SARAF: variants seen among roughly 807,000 people sequenced by gnomAD.
SARAF encodes store-operated calcium entry-associated regulatory factor.
SARAF carries 23 observed loss-of-function variants against 39.7 expected under a neutral mutation model. That is an observed-to-expected ratio of 0.58 (90% confidence interval 0.42 to 0.82). The LOEUF (loss-of-function observed/expected upper bound fraction) is 0.82. Among genes scored for constraint, SARAF ranks in the 40% least tolerant of loss-of-function variants. SARAF has a pLI of 0.00. For synonymous variants in SARAF, 175 were observed against 168.5 expected (o/e 1.04, Z -0.30); for missense variants, 384 against 418.5 (o/e 0.92, Z 0.72).
At chr8:30,068,967 T>G (rs958306495) in intron 3 of SARAF, among the ~76,000 whole-genome samples, 4 of 152,020 alleles carry the variant, frequency 2.6e-5, no homozygotes, top group Admixed American at 2.6e-4. Context: ...ACAAATATTC[T>G]CCTATGTTTT....
chr8:30,064,655 C>T (rs912773074), intron 5 of SARAF, among the ~76,000 whole-genome samples: 3 of 147,834 alleles, frequency 2.0e-5, no homozygotes, highest in East Asian at 2.0e-4. Flanking sequence ...TTCTGCCTCC[C>T]GCGTTCAAGC....
At chr8:30,074,481 T>G (rs1343041394) in intron 1 of SARAF, among the ~76,000 whole-genome samples, 1 of 152,252 alleles carries the variant, frequency 6.6e-6, no homozygotes, top group Admixed American at 6.5e-5. Context: ...TACAGTGGAA[T>G]ATTACATAGC....
At position 30,083,026 on chromosome 8, in the gene SARAF, C is replaced by T. The variant is rs11538829; in HGVS notation, c.-77G>A. ...GGGTGCGGTAGCGCGCGCGACGCTG[C>T]GCAGCTACACCGCTACCCCTGGCGG... On this transcript the variant is annotated 5_prime_UTR_variant, in exon 1 of 6. Transcript: ENST00000256255. 2 of 1,097,366 alleles carry T rather than the reference C, an allele frequency of 1.8e-6. No individual in the cohort carries two copies. The highest frequency in any genetic ancestry group is 2.6e-6 in the Non-Finnish European group (2 of 778,334). The allele number at this position is 1,097,366 out of a possible 1,614,324, so 68.0% of individuals were successfully genotyped here.
intron 2 of SARAF, among the ~76,000 whole-genome samples, chr8:30,072,831 G>A (rs1012846612): frequency 3.9e-5 from 6 of 152,140 alleles, no homozygotes; most frequent in African/African-American, 1.2e-4. Context: ...CCAACCAGAC[G>A]TGACTTTATA....
At position 30,079,136 on chromosome 8, in the gene SARAF, C is replaced by G. The variant is rs912829538; in HGVS notation, c.103+3711G>C. On this transcript the variant is annotated intron_variant, in intron 1 of 5. Coordinates refer to ENST00000256255, the MANE Select transcript of SARAF (RefSeq NM_016127.6). ...TGCTACCACTGCACTCCAGCCTGGG[C>G]GACAAGAGTGAAACTCCATCTCAAA... is the stretch of plus-strand genomic sequence containing the variant. Among the ~76,000 whole-genome samples, 31 of 123,836 alleles carry G rather than the reference C, an allele frequency of 2.5e-4. 2 individuals carry two copies. The South Asian group carries it at 6.7e-3, about 27-fold the overall frequency. The allele number at this position is 123,836 out of a possible 152,430, so 81.2% of individuals were successfully genotyped here.
intron 1 of SARAF, among the ~76,000 whole-genome samples, chr8:30,080,401 C>T (rs1802070548): frequency 6.6e-6 from 1 of 152,214 alleles, no homozygotes; most frequent in African/African-American, 2.4e-5. Context: ...AGTCAAATGT[C>T]ACCCTAACAG....
chr8:30,081,100 T>C (rs986113813), intron 1 of SARAF, among the ~76,000 whole-genome samples: 8 of 152,086 alleles, frequency 5.3e-5, no homozygotes, highest in Admixed American at 2.6e-4. Context: ...GATCGCGCCA[T>C]TGCACTCTAG....
chr8:30,081,870 A>G (rs907385201), intron 1 of SARAF, among the ~76,000 whole-genome samples: 6 of 152,146 alleles, frequency 3.9e-5, no homozygotes, highest in Admixed American at 2.6e-4. Context: ...AAAATTCTTT[A>G]GACAATTTTA....
chr8:30,066,763 T>C lies in SARAF; in HGVS notation c.842+14A>G. 1 of 1,547,588 alleles carries C rather than the reference T, an allele frequency of 6.5e-7. No individual in the cohort carries two copies. Reference sequence around the variant, plus strand: ...TGAATTAAAGAGCAAGTGAGATCAATGCAAAAAGCTTACCTATTGCTGCCA... The same window carrying C: ...TGAATTAAAGAGCAAGTGAGATCAACGCAAAAAGCTTACCTATTGCTGCCA... On this transcript the variant is annotated intron_variant, in intron 4 of 5. Transcript: ENST00000256255.
chr8:30,081,939 T>TA (rs35616448), intron 1 of SARAF, among the ~76,000 whole-genome samples: 24,853 of 151,684 alleles, frequency 0.16, 2,222 homozygotes, highest in East Asian at 0.33. Flanking sequence ...GTACCATCAC[T>TA]AAAAAAAACC....
rs1264818788 is a variant in SARAF at position 30,069,927 on chromosome 8, T to G, written c.415A>C (p.Thr139Pro). ...SCGLEYNLDY[T>P]ELGLQKLKES... is the part of the protein sequence containing the mutation. ...TTCAGTTTCTGCAGGCCAAGTTCTG[T>G]ATAATCTAAATTATACTCCAAGCCA... Residue 139 changes from threonine (T) to proline (P), a missense_variant, in exon 3 of 6, where the codon ACA becomes CCA. By Grantham distance (38) the Thr-to-Pro change is conservative. Transcript: ENST00000256255. The G allele has an allele frequency of 1.2e-6, 2 of 1,614,048 alleles. No individual in the cohort carries two copies. The highest frequency in any genetic ancestry group is 1.7e-6 in the Non-Finnish European group (2 of 1,180,038).
chr8:30,073,852 C>T (rs778594032), intron 2 of SARAF, 25 bp downstream of exon 2: 8 of 1,592,990 alleles, frequency 5.0e-6, no homozygotes, highest in Middle Eastern at 1.7e-4. Context: ...CCCATTTAGA[C>T]TGCCATTACT....
In SARAF at chr8:30,069,624, A is replaced by G; in HGVS notation, c.700+18T>C. The G allele has an allele frequency of 6.5e-7, 1 of 1,543,036 alleles. No homozygotes were observed. The highest frequency in any genetic ancestry group is 8.9e-7 in the Non-Finnish European group (1 of 1,128,066). Reference sequence around the variant, plus strand: ...CCTCACACCCGCTCTATTTATGGCCACTGCGAGGGAAACATACCTGTGAAC... The same window carrying G: ...CCTCACACCCGCTCTATTTATGGCCGCTGCGAGGGAAACATACCTGTGAAC... On this transcript the variant is annotated intron_variant, in intron 3 of 5. Transcript: ENST00000256255.
chr8:30,082,611 C>T, intron 1 of SARAF: 1 of 445,018 alleles, frequency 2.2e-6, no homozygotes, highest in South Asian at 3.7e-5. Flanking sequence ...GAAAGGGGAC[C>T]TTAAGGATCT....
Position 30,066,933 on chromosome 8 carries a change from G to T in SARAF, c.701-15C>A. ...ATTCTGTGGTCCTTAAAATAAAAATGATTTATTATGTATCCTCACTTAAAC... is the reference window on the plus strand; with the variant it reads ...ATTCTGTGGTCCTTAAAATAAAAATTATTTATTATGTATCCTCACTTAAAC... On this transcript the variant is annotated splice_polypyrimidine_tract_variant and intron_variant, in intron 3 of 5. Coordinates refer to ENST00000256255, the MANE Select transcript of SARAF (RefSeq NM_016127.6). 1 of 1,546,146 alleles carries T rather than the reference G, an allele frequency of 6.5e-7. No individual in the cohort carries two copies. Among genetic ancestry groups the T allele is most frequent in the Non-Finnish European group, 8.9e-7 (1 of 1,129,790 alleles).
chr8:30,066,963 C>T (rs2117421807), intron 3 of SARAF, 45 bp from the exon 4 acceptor site: 3 of 1,545,342 alleles, frequency 1.9e-6, no homozygotes, highest in East Asian at 2.2e-5. Context: ...TTAAACATGA[C>T]AGTCTACAAA....
intron 3 of SARAF, among the ~76,000 whole-genome samples, chr8:30,067,332 T>C (rs1473890671): frequency 6.6e-6 from 1 of 152,216 alleles, no homozygotes; most frequent in Non-Finnish European, 1.5e-5. Flanking sequence ...TATTTATTTG[T>C]GTCAGTTGGG....
chr8:30,063,610 G>C lies in SARAF; in HGVS notation c.*278C>G, dbSNP rs531872461. ...GCTTCTTAGGGCATCACAGGTTTTA[G>C]AAATTAATGTATTTTTAGCATTCCA... On this transcript the variant is annotated 3_prime_UTR_variant, in exon 6 of 6. Transcript: ENST00000256255. 2.1e-6 allele frequency: 1 copy of C among 471,114 alleles called. No individual in the cohort carries two copies. The highest frequency in any genetic ancestry group is 2.0e-5 in the African/African-American group (1 of 50,138). The allele number at this position is 471,114 out of a possible 1,614,324, so 29.2% of individuals were successfully genotyped here.
chr8:30,069,586 C>G (rs1801780488), intron 3 of SARAF, 56 bp downstream of exon 3: 10 of 1,494,838 alleles, frequency 6.7e-6, no homozygotes, highest in Non-Finnish European at 9.0e-6. Flanking sequence ...GAACCAAGCA[C>G]AGGATGCACT....
Sources: allele counts gnomAD v4.1 joint callset (sites outside exome capture counted in the v4.1 genomes callset), GRCh38; gene constraint gnomAD v4.1.1; transcripts MANE v1.5; gene names NCBI Gene and HGNC (gene_info 2026-07-23, HGNC 2026-07-21).